The following USP28 variants were observed in gnomAD, a reference collection of about 807,000 sequenced individuals.
USP28 encodes ubiquitin carboxyl-terminal hydrolase 28.
A neutral mutation model predicts 145.0 loss-of-function variants in USP28; 113 were observed. The ratio of observed to expected loss-of-function variants is 0.78; its 90% confidence interval spans 0.67 to 0.91. The LOEUF is 0.91. Ranked by LOEUF, USP28 falls within the 40% of genes least tolerant of loss-of-function variation. USP28 has a pLI of 0.00. For synonymous variants in USP28, 447 were observed against 450.9 expected, an observed-to-expected ratio of 0.99 and a Z score of 0.11; for missense variants, 1,201 against 1,289.6, an observed-to-expected ratio of 0.93 and a Z score of 1.05.
At chr11:113,853,192 G>T (rs528547135) in intron 2 of USP28, among the ~76,000 whole-genome samples, 1 of 151,218 alleles carries the variant, frequency 6.6e-6, no homozygotes, top group Non-Finnish European at 1.5e-5. Flanking sequence ...GGAGGCTGAG[G>T]TGGGAGGATC....
intron 18 of USP28, 152 bp from the exon 20 acceptor site, chr11:113,806,736 A>G: frequency 1.9e-6 from 1 of 534,376 alleles, no homozygotes; most frequent in Non-Finnish European, 3.3e-6. Context: ...TCACACACCC[A>G]TTCCTATGTG....
exon 25 of USP28, chr11:113,798,050 T>C (rs1037697188): frequency 2.0e-5 from 3 of 150,338 alleles, no homozygotes; most frequent in African/African-American, 7.3e-5. Context: ...ATATATAGTT[T>C]TGCATATGTA....
At chr11:113,874,888 A>G in intron 1 of USP28, 1 of 1,002,610 alleles carries the variant, frequency 1.0e-6, no homozygotes, top group Non-Finnish European at 1.2e-6. Context: ...ATCTAGAGCG[A>G]TGAAGGCAAT....
At chr11:113,815,731 G>C (rs796843213) in intron 13 of USP28, among the ~76,000 whole-genome samples, 1 of 152,158 alleles carries the variant, frequency 6.6e-6, no homozygotes, top group South Asian at 2.1e-4. Flanking sequence ...CTTCCCATGA[G>C]GATGGGAAGA....
intron 3 of USP28, among the ~76,000 whole-genome samples, chr11:113,847,983 C>T (rs34701486): frequency 0.038 from 5,701 of 152,006 alleles, 157 homozygotes; most frequent in Admixed American, 0.086. Flanking sequence ...CTCACAGATG[C>T]TAATAAAAAA....
chr11:113,803,717 G>A (rs896599857), intron 22 of USP28, 81 bp downstream of exon 23: 23 of 1,153,482 alleles, frequency 2.0e-5, no homozygotes, highest in Non-Finnish European at 2.8e-5. Flanking sequence ...GCATGGCTGT[G>A]ACTCTTAGTA....
At chr11:113,850,534 T>A (rs973110870) in intron 3 of USP28, among the ~76,000 whole-genome samples, 1 of 152,150 alleles carries the variant, frequency 6.6e-6, no homozygotes, top group Non-Finnish European at 1.5e-5. Context: ...CACAGCAGCA[T>A]CATCCAGAAT....
At chr11:113,871,360 AT>A (rs1458932396) in intron 1 of USP28, among the ~76,000 whole-genome samples, 1 of 152,206 alleles carries the variant, frequency 6.6e-6, no homozygotes, top group Admixed American at 6.5e-5. Context: ...GAGAAGGGAC[AT>A]AATAGAAAGA....
At chr11:113,799,200 G>C (rs190016565) in exon 25 of USP28, 25 of 1,586,482 alleles carry the variant, frequency 1.6e-5, no homozygotes, top group Non-Finnish European at 2.0e-5. Context: ...GCAAGAGGCA[G>C]GCAGCCAGGA....
chr11:113,803,972 A>C (rs969162751), intron 21 of USP28, 95 bp from the exon 23 acceptor site: 11 of 1,089,032 alleles, frequency 1.0e-5, no homozygotes, highest in South Asian at 8.7e-5. Flanking sequence ...ATATTTACTG[A>C]GCACATCTGG....
chr11:113,846,313 G>A (rs1232394189), intron 3 of USP28, among the ~76,000 whole-genome samples: 1 of 152,154 alleles, frequency 6.6e-6, no homozygotes, highest in African/African-American at 2.4e-5. Flanking sequence ...CAAACTGTAT[G>A]TTTTACCAAA....
intron 17 of USP28, 91 bp from the exon 18 acceptor site, chr11:113,808,528 T>C: frequency 1.5e-6 from 2 of 1,377,308 alleles, no homozygotes; most frequent in South Asian, 1.5e-5. Context: ...TACAGTTTAA[T>C]ATACAACCCT....
intron 3 of USP28, among the ~76,000 whole-genome samples, chr11:113,851,764 GAC>G (rs1337304895): frequency 4.1e-5 from 6 of 145,050 alleles, no homozygotes; most frequent in Non-Finnish European, 6.0e-5. Flanking sequence ...TAGCCTGGAT[GAC>G]AGAGTGAGAC....
At position 113,852,496 on chromosome 11, in the gene USP28, C is replaced by A; in HGVS notation, c.268+5G>T. 2.5e-6 allele frequency: 4 copies of A among 1,612,366 alleles called. No homozygotes were observed. In the South Asian group the frequency reaches 4.4e-5, roughly 18 times the overall value. On this transcript the variant is annotated splice_donor_5th_base_variant and intron_variant, in intron 3 of 24. Transcript: ENST00000003302. Reference sequence around the variant, plus strand: ...AAGGACCAAGACAGGATATATGGTACCTACTTGCTAATACTTCCTTGTTGG... The same window carrying A: ...AAGGACCAAGACAGGATATATGGTAACTACTTGCTAATACTTCCTTGTTGG...
At chr11:113,800,217 G>A (rs1419400431) in intron 24 of USP28, among the ~76,000 whole-genome samples, 1 of 152,136 alleles carries the variant, frequency 6.6e-6, no homozygotes, top group Non-Finnish European at 1.5e-5. Context: ...ATGTGAGCCA[G>A]GATGGTCTCC....
intron 5 of USP28, among the ~76,000 whole-genome samples, chr11:113,834,904 GA>G (rs1386085813): frequency 5.3e-5 from 8 of 151,942 alleles, no homozygotes; most frequent in South Asian, 2.1e-4. Context: ...AAAAGTTACA[GA>G]AAAAAAGTAT....
At chr11:113,810,970 G>A (rs891880588) in intron 16 of USP28, among the ~76,000 whole-genome samples, 8 of 152,108 alleles carry the variant, frequency 5.3e-5, no homozygotes, top group Non-Finnish European at 8.8e-5. Flanking sequence ...CCACCATGCC[G>A]GGGCGATGTT....
chr11:113,816,655 A>G (rs1199498102), intron 13 of USP28, among the ~76,000 whole-genome samples: 2 of 152,188 alleles, frequency 1.3e-5, no homozygotes, highest in Admixed American at 1.3e-4. Flanking sequence ...AGATATCTCA[A>G]TTTCAGAGGA....
chr11:113,849,348 C>T (rs1444505344), intron 3 of USP28, among the ~76,000 whole-genome samples: 2 of 152,198 alleles, frequency 1.3e-5, no homozygotes, highest in East Asian at 1.9e-4. Flanking sequence ...GGACAACATC[C>T]TATTTGGAAG....
Sources: gnomAD v4.1 joint callset for allele counts (sites outside exome capture counted in the v4.1 genomes callset) on GRCh38, gnomAD v4.1.1 for gene constraint, MANE v1.5 for transcripts, NCBI Gene and HGNC (gene_info 2026-07-23, HGNC 2026-07-21) for gene names.